The following MARK4 variants were observed in gnomAD, a reference collection of about 807,000 sequenced individuals.
MARK4 encodes the protein microtubule affinity regulating kinase 4, also known as MAP/microtubule affinity-regulating kinase 4.
A neutral mutation model predicts 81.5 loss-of-function variants in MARK4; 19 were observed. The ratio of observed to expected loss-of-function variants is 0.23; its 90% confidence interval spans 0.16 to 0.34. MARK4 has a LOEUF of 0.34. MARK4 is among the 10% of genes least tolerant of loss of function. MARK4 has a pLI of 1.00. For synonymous variants in MARK4, 436 were observed against 439.0 expected (o/e 0.99, Z 0.08); for missense variants, 772 against 1,058.8 (o/e 0.73, Z 3.76).
chr19:45,280,513 G>A lies in MARK4; in HGVS notation c.1116+30G>A, dbSNP rs368518417. 9.8e-5 allele frequency: 158 copies of A among 1,613,908 alleles called. 1 individual carries two copies. The highest frequency in any genetic ancestry group is 1.2e-4 in the Non-Finnish European group (140 of 1,179,962). On this transcript the variant is annotated intron_variant, in intron 11 of 16. Transcript: ENST00000262891. ...GGGGGCGCCAGGGGCCCTTGGGGAC[G>A]CGTGATGCCTGGGTGGAGGGACTTG...
intron 1 of MARK4, among the ~76,000 whole-genome samples, chr19:45,253,065 A>G (rs534586981): frequency 6.6e-6 from 1 of 151,204 alleles, no homozygotes; most frequent in African/African-American, 2.4e-5. Flanking sequence ...GATCACTTCC[A>G]AAGACCTGCC....
At chr19:45,280,126 A>G in intron 10 of MARK4, 1 of 432,348 alleles carries the variant, frequency 2.3e-6, no homozygotes, top group Non-Finnish European at 4.3e-6. Context: ...AGGTGGGTGG[A>G]TTGCTTGTGC....
chr19:45,258,476 G>A (rs932847376), intron 1 of MARK4, among the ~76,000 whole-genome samples: 17 of 152,100 alleles, frequency 1.1e-4, no homozygotes, highest in African/African-American at 4.1e-4. Context: ...CGAGGCAGGT[G>A]GATCACCTGA....
intron 14 of MARK4, among the ~76,000 whole-genome samples, chr19:45,296,869 G>A (rs1970894088): frequency 6.6e-6 from 1 of 152,134 alleles, no homozygotes; most frequent in South Asian, 2.1e-4. Context: ...GGCCAACATG[G>A]TGAAACCCCA....
intron 12 of MARK4, among the ~76,000 whole-genome samples, chr19:45,286,254 C>T (rs1300038658): frequency 6.6e-6 from 1 of 151,758 alleles, no homozygotes; most frequent in Non-Finnish European, 1.5e-5. Context: ...CAGGGTTTTG[C>T]CATGTTAGCC....
intron 16 of MARK4, among the ~76,000 whole-genome samples, chr19:45,301,184 A>G (rs1970966620): frequency 1.3e-5 from 2 of 152,164 alleles, no homozygotes; most frequent in Admixed American, 6.5e-5. Flanking sequence ...TCAGGAGGCC[A>G]AGGCAGGAGG....
intron 15 of MARK4, 53 bp downstream of exon 15, chr19:45,298,007 C>A: frequency 6.5e-7 from 1 of 1,549,382 alleles, no homozygotes; most frequent in Non-Finnish European, 8.7e-7. Flanking sequence ...CCGATGGGAC[C>A]TAACCTGTCT....
At chr19:45,286,978 T>C (rs1448855262) in intron 12 of MARK4, among the ~76,000 whole-genome samples, 1 of 152,100 alleles carries the variant, frequency 6.6e-6, no homozygotes, top group Non-Finnish European at 1.5e-5. Context: ...TGCATAATTT[T>C]CCACTGTGGA....
At chr19:45,287,710 C>T in intron 13 of MARK4, 46 bp downstream of exon 13, 1 of 1,570,888 alleles carries the variant, frequency 6.4e-7, no homozygotes, top group Non-Finnish European at 8.7e-7. Context: ...GCCACCTGGG[C>T]CACATTCCTC....
At chr19:45,263,429 G>T in intron 4 of MARK4, 62 bp downstream of exon 4, 1 of 1,602,554 alleles carries the variant, frequency 6.2e-7, no homozygotes, top group Non-Finnish European at 8.5e-7. Flanking sequence ...GGAGTTGGGG[G>T]TGGTGGCAGT....
In MARK4 at chr19:45,297,724, G is replaced by A. The variant is rs566553547; in HGVS notation, c.1647G>A (p.Leu549=). The A allele has an allele frequency of 7.0e-6, 11 of 1,562,682 alleles. No individual in the cohort carries two copies. The Admixed American group carries it at 1.7e-4, about 25-fold the overall frequency. The change falls in exon 15 of 17, where the codon CTG becomes CTA. Residue 549 remains leucine (L), a synonymous_variant. Coordinates refer to ENST00000262891, the MANE Select transcript of MARK4 (RefSeq NM_001199867.2). ...CTGCCTCCCCCTCCAGTCACAGCCT[G>A]GCACCCCCATCAGGGGAGCGGAGCC... ...VPPASPSSHS[L]APPSGERSRL...
intron 15 of MARK4, 102 bp downstream of exon 15, chr19:45,298,056 T>G: frequency 6.7e-7 from 1 of 1,491,308 alleles, no homozygotes; most frequent in Non-Finnish European, 9.2e-7. Context: ...ACATTTCCTC[T>G]TCCTCCTCCT....
intron 8 of MARK4, among the ~76,000 whole-genome samples, chr19:45,273,988 G>A (rs1266113571): frequency 6.6e-6 from 1 of 152,226 alleles, no homozygotes; most frequent in Non-Finnish European, 1.5e-5. Flanking sequence ...GGTGGCTCAC[G>A]CCTGTAATCC....
At chr19:45,290,217 T>C (rs1449516519) in intron 13 of MARK4, among the ~76,000 whole-genome samples, 1 of 152,254 alleles carries the variant, frequency 6.6e-6, no homozygotes, top group Non-Finnish European at 1.5e-5. Flanking sequence ...TTCCAGTTTA[T>C]TTTGGTTCTA....
rs1277664283 is a variant in MARK4, at chr19:45,264,724, C to T, written c.396C>T (p.Tyr132=). 1.2e-6 allele frequency: 2 copies of T among 1,614,108 alleles called. No homozygotes were observed. The highest frequency in any genetic ancestry group is 1.7e-5 in the Admixed American group (1 of 60,012). ...TGATTGAGACTGAGAAGACGCTGTACCTGGTGATGGAGTACGCAAGTGCTG... is the reference window on the plus strand; with the variant it reads ...TGATTGAGACTGAGAAGACGCTGTATCTGGTGATGGAGTACGCAAGTGCTG... ...FEVIETEKTL[Y]LVMEYASAGE... is the part of the protein sequence containing the mutation. The change falls in exon 5 of 17, where the codon TAC becomes TAT. Residue 132 remains tyrosine, a synonymous_variant. Transcript: ENST00000262891.
At chr19:45,291,433 G>A (rs1479980693) in intron 13 of MARK4, among the ~76,000 whole-genome samples, 1 of 152,172 alleles carries the variant, frequency 6.6e-6, no homozygotes, top group Non-Finnish European at 1.5e-5. Context: ...ATCACTTGAG[G>A]TCAGGAGTTC....
chr19:45,284,057 GC>G (rs1970711715), intron 12 of MARK4, among the ~76,000 whole-genome samples: 1 of 150,810 alleles, frequency 6.6e-6, no homozygotes, highest in Non-Finnish European at 1.5e-5. Context: ...TCACTCTGTC[GC>G]CCAGGCTGGA....
At chr19:45,253,514 C>T (rs1225101877) in intron 1 of MARK4, among the ~76,000 whole-genome samples, 4 of 152,150 alleles carry the variant, frequency 2.6e-5, no homozygotes, top group African/African-American at 4.8e-5. Context: ...TCGATTCAGG[C>T]GAAGGCTGGC....
At chr19:45,267,987 G>C (rs143585165) in intron 7 of MARK4, among the ~76,000 whole-genome samples, 1,647 of 151,976 alleles carry the variant, frequency 0.011, 11 homozygotes, top group Non-Finnish European at 0.014. Context: ...GTAGAGACGG[G>C]GTTTCACCAC....
Sources: allele counts gnomAD v4.1 joint callset (sites outside exome capture counted in the v4.1 genomes callset), GRCh38; gene constraint gnomAD v4.1.1; transcripts MANE v1.5; gene names NCBI Gene and HGNC (gene_info 2026-07-23, HGNC 2026-07-21).